The following COL4A2 variants were observed in gnomAD, a reference collection of about 807,000 sequenced individuals.
COL4A2 encodes the protein collagen type IV alpha 2 chain.
Under a neutral mutation model 200.2 loss-of-function variants are expected in COL4A2, and 99 were observed. The ratio of observed to expected loss-of-function variants is 0.49; its 90% confidence interval spans 0.42 to 0.58. The LOEUF (loss-of-function observed/expected upper bound fraction) is 0.58. Ranked by LOEUF, COL4A2 falls within the 20% of genes least tolerant of loss-of-function variation. The pLI is 0.00. For synonymous variants in COL4A2, 897 were observed against 900.6 expected (o/e 1.00, Z 0.07); for missense variants, 1,950 against 2,314.1 (o/e 0.84, Z 3.23).
chr13:110,350,464 G>C (rs966183984), intron 3 of COL4A2, among the ~76,000 whole-genome samples: 1 of 152,214 alleles, frequency 6.6e-6, no homozygotes, highest in Non-Finnish European at 1.5e-5. Context: ...AGGGCTCAGA[G>C]CCGCCCCAGA....
chr13:110,469,187 A>G, intron 27 of COL4A2, 30 bp from the exon 28 acceptor site: 1 of 1,560,570 alleles, frequency 6.4e-7, no homozygotes, highest in South Asian at 1.2e-5. Flanking sequence ...GTGGAGCCTG[A>G]TGTGGTTTGT....
chr13:110,391,530 A>C (rs1010749899), intron 4 of COL4A2, among the ~76,000 whole-genome samples: 7 of 152,196 alleles, frequency 4.6e-5, no homozygotes, highest in Admixed American at 1.3e-4. Flanking sequence ...AGTCATTAAG[A>C]ATGTTTATGA....
chr13:110,331,009 C>A (rs1434059099), intron 3 of COL4A2, among the ~76,000 whole-genome samples: 1 of 151,974 alleles, frequency 6.6e-6, no homozygotes, highest in Non-Finnish European at 1.5e-5. Flanking sequence ...TTAAATAAAC[C>A]CTGGGTGTTC....
intron 45 of COL4A2, among the ~76,000 whole-genome samples, chr13:110,506,161 G>A (rs1433235114): frequency 6.6e-6 from 1 of 151,640 alleles, no homozygotes; most frequent in South Asian, 2.1e-4. Flanking sequence ...GGCTGCAGGT[G>A]CACTAGGCCG....
In COL4A2 at chr13:110,503,971, C is replaced by T. The variant is rs751404071; in HGVS notation, c.4263C>T (p.Pro1421=). 15 of 1,563,792 alleles carry T rather than the reference C, an allele frequency of 9.6e-6. No homozygotes were observed. In the South Asian group the frequency reaches 1.4e-4, roughly 15 times the overall value. ...CTGGGGCACCGGGGGAGATGGGGCC[C>T]CAGGGCCCCCCCGGAGAACCAGGTA... ...GPPGAPGEMG[P]QGPPGEPGFR... is the part of the protein sequence containing the mutation. The change falls in exon 44 of 48, where the codon CCC becomes CCT. Residue 1421 remains proline (P), a synonymous_variant. Coordinates refer to ENST00000360467, the MANE Select transcript of COL4A2 (RefSeq NM_001846.4).
chr13:110,327,260 G>A (rs550266611), intron 3 of COL4A2, among the ~76,000 whole-genome samples: 11 of 152,188 alleles, frequency 7.2e-5, no homozygotes, highest in Non-Finnish European at 1.0e-4. Flanking sequence ...CAGTTACTCT[G>A]GTTGGGTTGT....
At chr13:110,457,701 C>T (rs1166837606) in intron 21 of COL4A2, 7 of 618,618 alleles carry the variant, frequency 1.1e-5, no homozygotes, top group Non-Finnish European at 1.9e-5. Context: ...CAGCAGTGAG[C>T]CTGATGCTGA....
intron 24 of COL4A2, 101 bp from the exon 25 acceptor site, chr13:110,465,304 C>A: frequency 7.1e-7 from 1 of 1,412,492 alleles, no homozygotes; most frequent in Non-Finnish European, 9.6e-7. Context: ...TGTTCTGGAT[C>A]CATAGCTCAG....
At chr13:110,481,861 C>CA (rs1566559743) in intron 31 of COL4A2, among the ~76,000 whole-genome samples, 6 of 99,450 alleles carry the variant, frequency 6.0e-5, no homozygotes, top group South Asian at 2.8e-4. Flanking sequence ...TCTGTCCCTC[C>CA]GTGCTGGAGA....
chr13:110,353,790 C>T (rs189031776), intron 3 of COL4A2, among the ~76,000 whole-genome samples: 2 of 152,196 alleles, frequency 1.3e-5, no homozygotes, highest in Admixed American at 1.3e-4. Flanking sequence ...CATGCACGTG[C>T]GTGTGTGCAC....
intron 16 of COL4A2, among the ~76,000 whole-genome samples, chr13:110,444,731 A>T (rs1184072164): frequency 1.3e-5 from 2 of 152,268 alleles, no homozygotes; most frequent in Non-Finnish European, 2.9e-5. Context: ...AAGAGGGAAT[A>T]CATTGCTAGA....
intron 3 of COL4A2, among the ~76,000 whole-genome samples, chr13:110,344,643 G>A (rs1242999672): frequency 1.3e-5 from 2 of 152,054 alleles, no homozygotes; most frequent in African/African-American, 2.4e-5. Context: ...AACTCTATAC[G>A]AGACCCCAGG....
intron 8 of COL4A2, 27 bp from the exon 9 acceptor site, chr13:110,430,374 C>A: frequency 6.2e-7 from 1 of 1,606,198 alleles, no homozygotes; most frequent in Non-Finnish European, 8.5e-7. Context: ...AAAGCTATCA[C>A]TCTTAAAATT....
intron 3 of COL4A2, among the ~76,000 whole-genome samples, chr13:110,345,878 TG>T (rs1267318163): frequency 3.3e-5 from 5 of 152,220 alleles, no homozygotes; most frequent in Non-Finnish European, 7.3e-5. Flanking sequence ...CATGTGTACC[TG>T]TGCACAGGGG....
At chr13:110,361,559 GT>G (rs1287954967) in intron 4 of COL4A2, among the ~76,000 whole-genome samples, 2 of 152,244 alleles carry the variant, frequency 1.3e-5, no homozygotes, top group African/African-American at 4.8e-5. Flanking sequence ...AACATCGGAA[GT>G]TGTACGTCAC....
At chr13:110,432,175 C>G in intron 10 of COL4A2, 150 bp from the exon 11 acceptor site, 1 of 1,027,708 alleles carries the variant, frequency 9.7e-7, no homozygotes, top group Non-Finnish European at 1.3e-6. Context: ...AGCATGTCAT[C>G]TCTGCCAAGC....
Position 110,445,898 on chromosome 13 carries a change from A to C in COL4A2, c.1011+16A>C. On this transcript the variant is annotated intron_variant, in intron 17 of 47. Transcript: ENST00000360467. ...GGGACCCAAGGTGAGCCCGTTTCTC[A>C]TGTCTTTGCCACTTATGGTGTCTCG... The C allele has an allele frequency of 6.2e-7, 1 of 1,614,098 alleles. No homozygotes were observed. Among genetic ancestry groups the C allele is most frequent in the Non-Finnish European group, 8.5e-7 (1 of 1,179,962 alleles).
chr13:110,510,271 G>A (rs1041209010), intron 47 of COL4A2, among the ~76,000 whole-genome samples: 3 of 152,260 alleles, frequency 2.0e-5, no homozygotes, highest in Non-Finnish European at 4.4e-5. Flanking sequence ...CCACGTGGGA[G>A]GGAGGACAAG....
At chr13:110,492,746 G>A (rs963810909) in intron 38 of COL4A2, among the ~76,000 whole-genome samples, 1 of 152,224 alleles carries the variant, frequency 6.6e-6, no homozygotes, top group African/African-American at 2.4e-5. Flanking sequence ...GAAGAGGCAT[G>A]GGACATGTCA....
Sources: allele counts gnomAD v4.1 joint callset (sites outside exome capture counted in the v4.1 genomes callset), GRCh38; gene constraint gnomAD v4.1.1; transcripts MANE v1.5; gene names NCBI Gene and HGNC (gene_info 2026-07-23, HGNC 2026-07-21).